Variants in SCN2A observed in about 807,000 individuals in gnomAD.
SCN2A encodes sodium voltage-gated channel alpha subunit 2, also known as sodium channel protein type 2 subunit alpha.
In SCN2A, 20 loss-of-function variants were observed where a neutral mutation model predicts 188.7. The ratio of observed to expected loss-of-function variants is 0.11; its 90% CI spans 0.07 to 0.15. SCN2A has a LOEUF of 0.15. SCN2A is among the 10% of genes least tolerant of loss of function. The pLI, the probability that SCN2A is intolerant of heterozygous loss-of-function variation, is 1.00. For synonymous variants in SCN2A, 804 were observed against 833.1 expected, an observed-to-expected ratio of 0.97 and a Z score of 0.60; for missense variants, 1,278 against 2,445.0, an observed-to-expected ratio of 0.52 and a Z score of 10.07.
At chr2:165,372,830 T>G (rs1701111422) in intron 20 of SCN2A, 1 of 201,684 alleles carries the variant, frequency 5.0e-6, no homozygotes, top group African/African-American at 2.4e-5. Context: ...ATTTCAGATC[T>G]GCTCAATATT....
intron 19 of SCN2A, among the ~76,000 whole-genome samples, chr2:165,369,380 G>A (rs1350091732): frequency 6.6e-6 from 1 of 152,244 alleles, no homozygotes; most frequent in Admixed American, 6.5e-5. Context: ...CTCCTCAGGG[G>A]TTTACAGCTT....
intron 3 of SCN2A, among the ~76,000 whole-genome samples, chr2:165,307,293 T>C (rs905966694): frequency 2.0e-5 from 3 of 152,158 alleles, no homozygotes; most frequent in African/African-American, 7.2e-5. Flanking sequence ...ATAAGTAATT[T>C]TGCCTTAGTT....
chr2:165,389,545 G>A lies in SCN2A; in HGVS notation c.5739G>A (p.Gln1913=). 6.2e-7 allele frequency: 1 copy of A among 1,613,896 alleles called. No individual in the cohort carries two copies. Among genetic ancestry groups the A allele is most frequent in the Non-Finnish European group, 8.5e-7 (1 of 1,179,966 alleles). ...AGGAGGTGTCTGCTATTATTATCCA[G>A]AGGGCTTACAGACGCTACCTCTTGA... is the stretch of plus-strand genomic sequence containing the variant. ...KQEEVSAIII[Q]RAYRRYLLKQ... is the part of the protein sequence containing the mutation. Residue 1913 remains glutamine, a synonymous_variant, in exon 27 of 27, where the codon CAG becomes CAA. Coordinates refer to ENST00000375437, the MANE Select transcript of SCN2A (RefSeq NM_001040142.2). This position sits in a 1 kb window ranked among gnomAD's most constrained non-coding sequence, Gnocchi z 4.2.
At chr2:165,288,717 G>C (rs574652243) in intron 1 of SCN2A, among the ~76,000 whole-genome samples, 40 of 144,836 alleles carry the variant, frequency 2.8e-4, no homozygotes, top group African/African-American at 9.9e-4. Flanking sequence ...GTTAAAAAGA[G>C]AAGGATACAT....
At chr2:165,371,381 T>C (rs1701016160) in intron 20 of SCN2A, 3 of 152,206 alleles carry the variant, frequency 2.0e-5, no homozygotes, top group Admixed American at 2.0e-4. Flanking sequence ...GATACAAATA[T>C]AAATAAGTCA....
Position 165,295,983 on chromosome 2 carries a change from A to G in SCN2A, c.160A>G (p.Ser54Gly), listed in dbSNP as rs557687080. Reference protein sequence around the residue: ...EDDENGPKPNSDLEAGKSLPF... With the variant: ...EDDENGPKPNGDLEAGKSLPF... ...TGATGAAAATGGCCCAAAGCCAAAC[A>G]GTGACTTGGAAGCAGGAAAATCTCT... The change falls in exon 2 of 27, where the codon AGT becomes GGT. Residue 54 changes from serine (S) to glycine (G), a missense_variant. This residue lies in a region of SCN2A where 141 missense variants were observed against 185.4 expected (regional missense o/e 0.76). Coordinates refer to ENST00000375437, the MANE Select transcript of SCN2A (RefSeq NM_001040142.2). 4 of 1,614,168 alleles carry G rather than the reference A, an allele frequency of 2.5e-6. No individual in the cohort carries two copies. The highest frequency in any genetic ancestry group is 2.7e-5 in the African/African-American group (2 of 75,052).
At chr2:165,365,347 G>C (rs1574692019) in intron 18 of SCN2A, 84 bp downstream of exon 18, 2 of 1,480,814 alleles carry the variant, frequency 1.4e-6, no homozygotes, top group East Asian at 4.7e-5. Context: ...CTGTTTATTT[G>C]TCTACCATCT....
intron 1 of SCN2A, among the ~76,000 whole-genome samples, chr2:165,251,187 G>A (rs1188662094): frequency 6.6e-6 from 1 of 151,926 alleles, no homozygotes; most frequent in Non-Finnish European, 1.5e-5. Flanking sequence ...GCAAAATCTA[G>A]CCAAACCAAA....
chr2:165,385,639 A>G (rs1047057198), intron 25 of SCN2A, among the ~76,000 whole-genome samples: 2 of 152,202 alleles, frequency 1.3e-5, no homozygotes, highest in Non-Finnish European at 2.9e-5. Context: ...TAATCTTGAT[A>G]TAATACCATT....
chr2:165,260,971 A>C (rs1450567954), intron 1 of SCN2A, among the ~76,000 whole-genome samples: 1 of 27,502 alleles, frequency 3.6e-5, no homozygotes, highest in African/African-American at 2.1e-4. Context: ...ACTCCGTCTC[A>C]AAAAAAAAAA....
At chr2:165,288,692 G>T (rs1695964988) in intron 1 of SCN2A, among the ~76,000 whole-genome samples, 1 of 151,678 alleles carries the variant, frequency 6.6e-6, no homozygotes, top group African/African-American at 2.4e-5. Flanking sequence ...TACAGAAATG[G>T]GCTAGTGGAT....
chr2:165,342,531 T>C, intron 15 of SCN2A, 62 bp downstream of exon 15: 2 of 1,548,442 alleles, frequency 1.3e-6, no homozygotes, highest in Non-Finnish European at 8.9e-7. Context: ...CATTCTCATC[T>C]AGTAAAAATG....
chr2:165,252,304 A>G (rs1694131150), intron 1 of SCN2A, among the ~76,000 whole-genome samples: 1 of 152,106 alleles, frequency 6.6e-6, no homozygotes, highest in Non-Finnish European at 1.5e-5. Context: ...TTCTGTCAAC[A>G]TTTGAAGAAA....
At chr2:165,354,120 A>G (rs1700064793) in intron 16 of SCN2A, 72 bp from the exon 17 acceptor site, 4 of 1,586,386 alleles carry the variant, frequency 2.5e-6, no homozygotes, top group Non-Finnish European at 3.5e-6. Context: ...GAACAATCTT[A>G]GAAAACTAAT....
chr2:165,279,496 A>T (rs1695490417), intron 1 of SCN2A, among the ~76,000 whole-genome samples: 1 of 152,198 alleles, frequency 6.6e-6, no homozygotes, highest in African/African-American at 2.4e-5. Flanking sequence ...TTTTACTTGG[A>T]CTTAAATGAT....
chr2:165,347,143 G>A (rs1433344661), intron 16 of SCN2A, among the ~76,000 whole-genome samples: 4 of 152,124 alleles, frequency 2.6e-5, no homozygotes, highest in South Asian at 4.1e-4. Context: ...GCATGCACAC[G>A]TATGCTTATT....
intron 11 of SCN2A, among the ~76,000 whole-genome samples, 185 bp from the exon 12 acceptor site, chr2:165,322,971 T>C (rs1328003892): frequency 6.6e-6 from 1 of 152,026 alleles, no homozygotes; most frequent in Non-Finnish European, 1.5e-5. Flanking sequence ...ATAGAAAAGG[T>C]GAACCTTGTA....
chr2:165,328,098 A>T (rs1378879621), intron 13 of SCN2A: 4 of 152,140 alleles, frequency 2.6e-5, no homozygotes, highest in Non-Finnish European at 5.9e-5. Context: ...TTGAGATTGG[A>T]TAGATTCCTG....
intron 17 of SCN2A, among the ~76,000 whole-genome samples, chr2:165,356,787 T>G (rs764660): frequency 0.31 from 46,523 of 152,084 alleles, 7,403 homozygotes; most frequent in Middle Eastern, 0.48. Context: ...AGCCATTATG[T>G]CTGAAGTAAG....
Sources: gnomAD v4.1 joint callset for allele counts (sites outside exome capture counted in the v4.1 genomes callset) on GRCh38, gnomAD v4.1.1 for gene constraint, gnomAD v4.1.1 regional missense constraint, Gnocchi (gnomAD v3.1) non-coding constraint, MANE v1.5 for transcripts, NCBI Gene and HGNC (gene_info 2026-07-23, HGNC 2026-07-21) for gene names.